Variants in COLQ observed in about 807,000 individuals in gnomAD.
The protein encoded by COLQ is collagen like tail subunit of asymmetric acetylcholinesterase.
Under a neutral mutation model 69.0 loss-of-function variants are expected in COLQ, and 48 were observed. The observed-to-expected ratio is 0.70, with a 90% confidence interval of 0.55 to 0.88. The LOEUF is 0.88. Ranked by LOEUF, COLQ falls within the 40% of genes least tolerant of loss-of-function variation. The pLI, the probability that COLQ is intolerant of heterozygous loss-of-function variation, is 0.00. For synonymous variants in COLQ, 217 were observed against 211.2 expected, an observed-to-expected ratio of 1.03 and a Z score of -0.24; for missense variants, 618 against 594.6, an observed-to-expected ratio of 1.04 and a Z score of -0.41.
intron 1 of COLQ, among the ~76,000 whole-genome samples, chr3:15,501,360 T>C (rs1363748833): frequency 6.6e-6 from 1 of 152,174 alleles, no homozygotes. Flanking sequence ...GATTCTGCTT[T>C]GCATGCTGCT....
intron 1 of COLQ, among the ~76,000 whole-genome samples, chr3:15,505,762 C>G (rs771476691): frequency 6.6e-6 from 1 of 152,194 alleles, no homozygotes; most frequent in Non-Finnish European, 1.5e-5. Context: ...TGCATCGGGC[C>G]CAAAGGGTGG....
chr3:15,499,536 A>C (rs1040901107), intron 1 of COLQ, among the ~76,000 whole-genome samples: 1 of 152,248 alleles, frequency 6.6e-6, no homozygotes, highest in Non-Finnish European at 1.5e-5. Flanking sequence ...GAGATTGGTC[A>C]TGTTTTGTAA....
chr3:15,487,464 C>T (rs1189868086), intron 3 of COLQ, among the ~76,000 whole-genome samples: 1 of 152,184 alleles, frequency 6.6e-6, no homozygotes, highest in Non-Finnish European at 1.5e-5. Flanking sequence ...CCAGGTGAGC[C>T]TTCAAGTGTC....
rs372260862 is a variant in COLQ at position 15,463,834 on chromosome 3, C to G, written c.814+2507G>C. Among the ~76,000 whole-genome samples, 36 of 152,286 alleles carry G rather than the reference C, an allele frequency of 2.4e-4. 3 individuals are homozygous for G. The highest frequency in any genetic ancestry group is 1.2e-3 in the Admixed American group (18 of 15,308). On this transcript the variant is annotated intron_variant, in intron 12 of 16. Coordinates refer to ENST00000383788, the MANE Select transcript of COLQ (RefSeq NM_005677.4). The stretch of plus-strand genomic sequence containing the variant: ...TGAAAGGACCCCCATTCAGATCATC[C>G]AGCCAATTCCAGAAATGAATTATGG...
intron 3 of COLQ, among the ~76,000 whole-genome samples, chr3:15,480,670 G>A (rs1299056808): frequency 1.3e-5 from 2 of 152,144 alleles, no homozygotes; most frequent in Non-Finnish European, 2.9e-5. Flanking sequence ...ATAGCAGCAC[G>A]ATTTACAATC....
chr3:15,507,763 G>A (rs1157685710), intron 1 of COLQ, among the ~76,000 whole-genome samples: 1 of 152,068 alleles, frequency 6.6e-6, no homozygotes, highest in East Asian at 1.9e-4. Flanking sequence ...CCTTCAGCAT[G>A]GTTTTAATTT....
At chr3:15,470,743 G>T in intron 10 of COLQ, 127 bp from the exon 11 acceptor site, 1 of 878,850 alleles carries the variant, frequency 1.1e-6, no homozygotes, top group Non-Finnish European at 1.9e-6. Context: ...TGCCAACTGG[G>T]CTGCCCTGCA....
chr3:15,477,215 A>G lies in COLQ; in HGVS notation c.394-18T>C. 6.3e-7 allele frequency: 1 copy of G among 1,599,282 alleles called. No homozygotes were observed. The highest frequency in any genetic ancestry group is 8.5e-7 in the Non-Finnish European group (1 of 1,172,820). On this transcript the variant is annotated intron_variant, in intron 5 of 16. Transcript: ENST00000383788. ...GGTCTACCCTTCAAAGACCAAGAAC[A>G]AAAGTCAGGGCAACTGGGTTTGTTT...
chr3:15,519,707 A>G (rs1227305589), intron 1 of COLQ, among the ~76,000 whole-genome samples: 1 of 152,186 alleles, frequency 6.6e-6, no homozygotes, highest in African/African-American at 2.4e-5. Context: ...GTCTGCAAAA[A>G]GCTTACCTAA....
intron 1 of COLQ, among the ~76,000 whole-genome samples, chr3:15,504,050 A>C (rs1246814220): frequency 6.6e-6 from 1 of 152,124 alleles, no homozygotes; most frequent in African/African-American, 2.4e-5. Flanking sequence ...CCGACCACAG[A>C]GAGGGTTCAA....
chr3:15,475,673 GT>G (rs1315810430), intron 6 of COLQ, among the ~76,000 whole-genome samples, 186 bp from the exon 7 acceptor site: 1 of 152,140 alleles, frequency 6.6e-6, no homozygotes, highest in Non-Finnish European at 1.5e-5. Context: ...TTTCATTCTT[GT>G]GTTTAAGATT....
chr3:15,478,878 C>A, intron 5 of COLQ, 99 bp downstream of exon 5: 1 of 1,402,908 alleles, frequency 7.1e-7, no homozygotes, highest in East Asian at 2.3e-5. Flanking sequence ...GTATCAGTGA[C>A]CACTGAAGTG....
At position 15,468,184 on chromosome 3, in the gene COLQ, G is replaced by A. The variant is rs144320347; in HGVS notation, c.718-1747C>T. ...GCAGTAATGGAATATTCCGCTTATCGGCCATCGCTCAGAATGAGCCACGTC... is the reference window on the plus strand; with the variant it reads ...GCAGTAATGGAATATTCCGCTTATCAGCCATCGCTCAGAATGAGCCACGTC... On this transcript the variant is annotated intron_variant, in intron 11 of 16. Transcript: ENST00000383788. 2.4e-4 allele frequency among the ~76,000 whole-genome samples: 36 copies of A among 152,130 alleles called. No homozygotes were observed. In the East Asian group the frequency reaches 2.9e-3, roughly 12 times the overall value.
At chr3:15,457,234 C>T (rs1178892339) in intron 13 of COLQ, among the ~76,000 whole-genome samples, 1 of 152,112 alleles carries the variant, frequency 6.6e-6, no homozygotes, top group Non-Finnish European at 1.5e-5. Flanking sequence ...AATTATCCTA[C>T]TCAAAGATAT....
intron 12 of COLQ, 149 bp from the exon 13 acceptor site, chr3:15,458,474 T>C: frequency 1.1e-6 from 1 of 874,144 alleles, no homozygotes. Flanking sequence ...AGAGATGCTT[T>C]TGATCCAAGA....
chr3:15,498,264 G>A (rs2062777097), intron 1 of COLQ, among the ~76,000 whole-genome samples: 1 of 152,102 alleles, frequency 6.6e-6, no homozygotes, highest in Non-Finnish European at 1.5e-5. Flanking sequence ...TAGCATGTAT[G>A]CCAGGTCCCC....
At chr3:15,505,410 C>A (rs1240040541) in intron 1 of COLQ, among the ~76,000 whole-genome samples, 2 of 152,226 alleles carry the variant, frequency 1.3e-5, no homozygotes, top group African/African-American at 2.4e-5. Flanking sequence ...ACCTCCTTTG[C>A]ACACACAGAG....
intron 15 of COLQ, among the ~76,000 whole-genome samples, chr3:15,455,561 G>C (rs182884123): frequency 4.8e-4 from 73 of 152,306 alleles, no homozygotes; most frequent in African/African-American, 1.7e-3. Flanking sequence ...TGCAAAGTGA[G>C]AGCCCATCAC....
chr3:15,517,028 G>C (rs2063072302), intron 1 of COLQ, among the ~76,000 whole-genome samples: 1 of 152,122 alleles, frequency 6.6e-6, no homozygotes, highest in South Asian at 2.1e-4. Context: ...TGTACTCCTA[G>C]CTACTCAAGA....
Sources: allele counts gnomAD v4.1 joint callset (sites outside exome capture counted in the v4.1 genomes callset), GRCh38; gene constraint gnomAD v4.1.1; transcripts MANE v1.5; gene names NCBI Gene and HGNC (gene_info 2026-07-23, HGNC 2026-07-21).